Variants in TENM4 observed in about 807,000 individuals in gnomAD.
TENM4 encodes the protein teneurin-4.
TENM4 carries 82 observed loss-of-function variants against 243.3 expected under a neutral mutation model. The observed-to-expected ratio is 0.34, with a 90% CI of 0.28 to 0.40. The LOEUF is 0.40. Among genes scored for constraint, TENM4 ranks in the 10% least tolerant of loss-of-function variants. The pLI, the probability that TENM4 is intolerant of heterozygous loss-of-function variation, is 1.00. For synonymous variants in TENM4, 1,412 were observed against 1,456.3 expected, an observed-to-expected ratio of 0.97 and a Z score of 0.69; for missense variants, 3,138 against 3,673.3, an observed-to-expected ratio of 0.85 and a Z score of 3.77.
intron 6 of TENM4, among the ~76,000 whole-genome samples, chr11:79,061,372 A>T (rs572421948): frequency 6.6e-6 from 1 of 152,296 alleles, no homozygotes; most frequent in Non-Finnish European, 1.5e-5. Context: ...GCCCTTTATT[A>T]GATTCATCTG....
chr11:79,324,390 T>TA lies in TENM4; in HGVS notation c.-320-26848dup, dbSNP rs1020052555. 4.1e-4 allele frequency among the ~76,000 whole-genome samples: 61 copies of TA among 149,420 alleles called. 2 individuals carry two copies. Among genetic ancestry groups the TA allele is most frequent in the African/African-American group, 3.9e-4 (16 of 40,788 alleles). On this transcript the variant is annotated intron_variant, in intron 1 of 33. Transcript: ENST00000278550. ...GTACATACCACTATGCCCAGCTAATTAAAAAAAAAATGTAGAGATCAGGTC... is the reference window on the plus strand; with the variant it reads ...GTACATACCACTATGCCCAGCTAATTAAAAAAAAAAATGTAGAGATCAGGTC...
At chr11:79,029,470 T>A in intron 6 of TENM4, among the ~76,000 whole-genome samples, 1 of 152,198 alleles carries the variant, frequency 6.6e-6, no homozygotes, top group Non-Finnish European at 1.5e-5. Context: ...TATGGCTGGT[T>A]TAGTTTCTCC....
chr11:78,941,939 G>A (rs1856904900), intron 6 of TENM4, among the ~76,000 whole-genome samples: 1 of 152,004 alleles, frequency 6.6e-6, no homozygotes, highest in African/African-American at 2.4e-5. Flanking sequence ...GAACTATGGG[G>A]CTAGACACAC....
intron 2 of TENM4, among the ~76,000 whole-genome samples, chr11:79,222,712 T>A (rs1442999472): frequency 1.3e-5 from 2 of 152,234 alleles, no homozygotes; most frequent in African/African-American, 4.8e-5. Context: ...TGGTGTGAGA[T>A]GGTATCTCAT....
intron 1 of TENM4, among the ~76,000 whole-genome samples, chr11:79,341,803 T>C (rs1857246711): frequency 6.6e-6 from 1 of 152,226 alleles, no homozygotes; most frequent in South Asian, 2.1e-4. Flanking sequence ...CTAAAGCACA[T>C]TATTTCACAT....
chr11:79,336,005 T>G (rs895906812), intron 1 of TENM4, among the ~76,000 whole-genome samples: 1 of 152,164 alleles, frequency 6.6e-6, no homozygotes, highest in African/African-American at 2.4e-5. Flanking sequence ...CCCTGAGCAG[T>G]GTGCTAGATG....
At chr11:79,133,146 C>T (rs1365199813) in intron 4 of TENM4, among the ~76,000 whole-genome samples, 1 of 152,088 alleles carries the variant, frequency 6.6e-6, no homozygotes, top group African/African-American at 2.4e-5. Flanking sequence ...CAAATAACCT[C>T]ACTAAGAAAC....
chr11:78,690,551 G>A (rs1011576035), intron 28 of TENM4, among the ~76,000 whole-genome samples: 1 of 152,176 alleles, frequency 6.6e-6, no homozygotes, highest in Non-Finnish European at 1.5e-5. Flanking sequence ...CATGAGCATG[G>A]CCATCTGGGG....
At chr11:78,706,840 A>G (rs1280937202) in intron 27 of TENM4, among the ~76,000 whole-genome samples, 1 of 146,954 alleles carries the variant, frequency 6.8e-6, no homozygotes, top group African/African-American at 2.7e-5. Context: ...TGGCTTCCTG[A>G]CGGGTAATTC....
At chr11:79,100,022 G>A (rs184310844) in intron 4 of TENM4, among the ~76,000 whole-genome samples, 1 of 152,248 alleles carries the variant, frequency 6.6e-6, no homozygotes, top group Admixed American at 6.5e-5. Context: ...CGCCAGGGCC[G>A]TTTTTAGCAT....
chr11:78,911,550 TG>T (rs1856186651), intron 6 of TENM4, among the ~76,000 whole-genome samples: 2 of 152,238 alleles, frequency 1.3e-5, no homozygotes, highest in Admixed American at 1.3e-4. Flanking sequence ...CCAAATGTCA[TG>T]TGTTGGAAAC....
Position 78,669,630 on chromosome 11 carries a change from A to T in TENM4, c.6715T>A (p.Tyr2239Asn), listed in dbSNP as rs745513028. ...GNSARLTPLR[Y>N]DIRDRITRLG... ...CGAGTGATGCGGTCGCGGATGTCAT[A>T]CCGTAGTGGTGTGAGCCGTGCACTG... The change falls in exon 32 of 34, where the codon TAT becomes AAT. Residue 2239 changes from tyrosine to asparagine, a missense_variant. Physicochemically the swap from Tyr to Asn is moderately radical, Grantham distance 143 (BLOSUM62 -2). Transcript: ENST00000278550. The surrounding 1 kb of genome is among the most constrained non-coding windows in gnomAD (Gnocchi z 6.4). 1 of 1,613,936 alleles carries T rather than the reference A, an allele frequency of 6.2e-7. No homozygotes were observed. The highest frequency in any genetic ancestry group is 8.5e-7 in the Non-Finnish European group (1 of 1,179,886).
At chr11:78,920,988 A>T (rs1316544748) in intron 6 of TENM4, among the ~76,000 whole-genome samples, 2 of 152,186 alleles carry the variant, frequency 1.3e-5, no homozygotes, top group Admixed American at 6.5e-5. Flanking sequence ...AGCACTGTGA[A>T]GTTTAACGCT....
In TENM4 at chr11:78,854,098, C is replaced by T; in HGVS notation, c.1681+6G>A. On this transcript the variant is annotated splice_donor_region_variant and intron_variant, in intron 12 of 33. Coordinates refer to ENST00000278550, the MANE Select transcript of TENM4 (RefSeq NM_001098816.3). ...CCACAGCCCCCAGAGGGTGTGGCTC[C>T]CTTACCAATGGCAGTGGTGAGAAAG... The T allele has an allele frequency of 6.4e-7, 1 of 1,550,830 alleles. No individual in the cohort carries two copies. Among genetic ancestry groups the T allele is most frequent in the Admixed American group, 2.0e-5 (1 of 50,958 alleles).
At chr11:79,200,867 C>T (rs760076211) in intron 3 of TENM4, among the ~76,000 whole-genome samples, 1 of 152,212 alleles carries the variant, frequency 6.6e-6, no homozygotes, top group African/African-American at 2.4e-5. Context: ...ACAAGTGACT[C>T]ATACTCTGGT....
chr11:78,979,669 G>A (rs964207340), intron 6 of TENM4, among the ~76,000 whole-genome samples: 5 of 152,314 alleles, frequency 3.3e-5, no homozygotes, highest in Middle Eastern at 3.4e-3. Flanking sequence ...GCACGATACA[G>A]CTAGGGAACT....
At chr11:79,146,358 A>T (rs1158542880) in intron 4 of TENM4, among the ~76,000 whole-genome samples, 3 of 152,092 alleles carry the variant, frequency 2.0e-5, no homozygotes, top group Non-Finnish European at 2.9e-5. Flanking sequence ...TTTAAAGAAA[A>T]TACTTTGTCC....
At chr11:79,079,879 C>T (rs1426491884) in intron 4 of TENM4, among the ~76,000 whole-genome samples, 1 of 144,926 alleles carries the variant, frequency 6.9e-6, no homozygotes, top group Non-Finnish European at 1.5e-5. Context: ...GGATTGAAAA[C>T]AACATCAAAG....
intron 1 of TENM4, among the ~76,000 whole-genome samples, chr11:79,298,521 C>CAAAAAAA (rs61373828): frequency 5.8e-5 from 1 of 17,264 alleles, no homozygotes; most frequent in African/African-American, 1.3e-4. Context: ...GACTCCGTCT[C>CAAAAAAA]AAAAAAAAAA....
Sources: gnomAD v4.1 joint callset for allele counts (sites outside exome capture counted in the v4.1 genomes callset) on GRCh38, gnomAD v4.1.1 for gene constraint, Gnocchi (gnomAD v3.1) non-coding constraint, MANE v1.5 for transcripts, NCBI Gene and HGNC (gene_info 2026-07-23, HGNC 2026-07-21) for gene names.